STK33: variants seen among roughly 807,000 people sequenced by gnomAD.
The protein encoded by STK33 is serine/threonine-protein kinase 33.
STK33 carries 52 observed loss-of-function variants against 58.0 expected under a neutral mutation model. The ratio of observed to expected loss-of-function variants is 0.90; its 90% CI spans 0.72 to 1.13. STK33 has a LOEUF of 1.13. Ranked by LOEUF, STK33 falls within the 50% of genes most tolerant of loss-of-function variation. STK33 has a pLI of 0.00. For synonymous variants in STK33, 215 were observed against 200.1 expected, an observed-to-expected ratio of 1.07 and a Z score of -0.63; for missense variants, 630 against 604.2, an observed-to-expected ratio of 1.04 and a Z score of -0.45.
intron 15 of STK33, among the ~76,000 whole-genome samples, chr11:8,399,795 C>T (rs1342864365): frequency 7.2e-5 from 11 of 151,932 alleles, no homozygotes; most frequent in Non-Finnish European, 1.5e-4. Flanking sequence ...ATATCACCAC[C>T]GATCCCACAG....
chr11:8,453,960 C>T (rs561313684), intron 10 of STK33, among the ~76,000 whole-genome samples: 1 of 152,280 alleles, frequency 6.6e-6, no homozygotes, highest in Admixed American at 6.5e-5. Flanking sequence ...GCATCTATTC[C>T]TTCATTCATC....
At chr11:8,436,938 T>A (rs977405108) in intron 12 of STK33, among the ~76,000 whole-genome samples, 2 of 152,202 alleles carry the variant, frequency 1.3e-5, no homozygotes, top group African/African-American at 4.8e-5. Flanking sequence ...CATCAAGTTA[T>A]CCACCTGCCT....
intron 14 of STK33, among the ~76,000 whole-genome samples, chr11:8,429,968 T>C (rs11826000): frequency 0.015 from 2,224 of 152,232 alleles, 48 homozygotes; most frequent in African/African-American, 0.05. Context: ...TCACTATCTC[T>C]AGCCCACAGA....
At chr11:8,376,909 A>G in the STK33 span, among the ~76,000 whole-genome samples, 1 of 152,174 alleles carries the variant, frequency 6.6e-6, no homozygotes, top group Admixed American at 6.5e-5. Context: ...CATCCCTAGT[A>G]TAGTCTGAAA....
the STK33 span, among the ~76,000 whole-genome samples, chr11:8,355,596 G>A: frequency 6.6e-6 from 1 of 152,168 alleles, no homozygotes; most frequent in African/African-American, 2.4e-5. Flanking sequence ...CTCCAGGCCC[G>A]CCCTTCCAGG....
chr11:8,530,298 A>G (rs1954423182), intron 1 of STK33, among the ~76,000 whole-genome samples: 1 of 152,174 alleles, frequency 6.6e-6, no homozygotes, highest in Non-Finnish European at 1.5e-5. Flanking sequence ...CGGACAAAAG[A>G]GCATTTAAAT....
chr11:8,448,073 C>A (rs958578872), intron 11 of STK33, among the ~76,000 whole-genome samples: 1 of 152,102 alleles, frequency 6.6e-6, no homozygotes, highest in Non-Finnish European at 1.5e-5. Flanking sequence ...ATCCAACTTA[C>A]AAGGGATGTG....
intron 14 of STK33, among the ~76,000 whole-genome samples, chr11:8,425,867 C>T (rs761175219): frequency 1.3e-5 from 2 of 152,040 alleles, no homozygotes; most frequent in Non-Finnish European, 2.9e-5. Context: ...TTCTGTGTCC[C>T]GCGGCTCAAA....
the STK33 span, among the ~76,000 whole-genome samples, chr11:8,373,936 G>T: frequency 6.6e-6 from 1 of 152,190 alleles, no homozygotes; most frequent in Non-Finnish European, 1.5e-5. Context: ...GTGCCTTCCT[G>T]GGCACTTAGC....
chr11:8,425,639 T>C (rs1942626159), intron 14 of STK33, among the ~76,000 whole-genome samples: 1 of 152,228 alleles, frequency 6.6e-6, no homozygotes, highest in Admixed American at 6.5e-5. Flanking sequence ...AATATTTCCA[T>C]GTCTTTCTGC....
At chr11:8,583,617 C>T (rs1277497526) in intron 1 of STK33, among the ~76,000 whole-genome samples, 1 of 152,264 alleles carries the variant, frequency 6.6e-6, no homozygotes, top group East Asian at 1.9e-4. Flanking sequence ...TGCTAGTCCA[C>T]AGCCTAAATT....
the STK33 span, among the ~76,000 whole-genome samples, chr11:8,378,458 C>T: frequency 2.6e-5 from 4 of 152,196 alleles, no homozygotes; most frequent in African/African-American, 9.7e-5. Flanking sequence ...GCAGAGGTTG[C>T]AGTGAGTCAA....
intron 1 of STK33, among the ~76,000 whole-genome samples, chr11:8,513,578 T>A (rs989146689): frequency 2.0e-5 from 3 of 152,152 alleles, no homozygotes; most frequent in African/African-American, 7.2e-5. Context: ...CCCCTCACAA[T>A]CCTTGCAACT....
At position 8,488,386 on chromosome 11, in the gene STK33, T is replaced by C. The variant is rs1232674745; in HGVS notation, c.-465-7772A>G. Reference sequence around the variant, plus strand: ...GAATCTAGGAAGCTACACACACACATAGGGCTATATGCATGCACAGGAAAG... The same window carrying C: ...GAATCTAGGAAGCTACACACACACACAGGGCTATATGCATGCACAGGAAAG... On this transcript the variant is annotated intron_variant, in intron 1 of 15. Transcript: ENST00000687296. Among the ~76,000 whole-genome samples, 7 of 151,818 alleles carry C rather than the reference T, an allele frequency of 4.6e-5. No individual in the cohort carries two copies. The East Asian group carries it at 7.8e-4, about 17-fold the overall frequency.
At chr11:8,539,069 T>C (rs1955288614) in intron 1 of STK33, among the ~76,000 whole-genome samples, 1 of 152,070 alleles carries the variant, frequency 6.6e-6, no homozygotes. Flanking sequence ...ATATGTAACC[T>C]ATCCAAGAAG....
At chr11:8,444,956 A>G (rs1235514497) in intron 11 of STK33, among the ~76,000 whole-genome samples, 1 of 152,180 alleles carries the variant, frequency 6.6e-6, no homozygotes, top group Non-Finnish European at 1.5e-5. Flanking sequence ...TGGGGATAGC[A>G]CGAAATCTAT....
At chr11:8,550,684 C>T (rs1057127499) in intron 1 of STK33, among the ~76,000 whole-genome samples, 16 of 152,180 alleles carry the variant, frequency 1.1e-4, no homozygotes, top group African/African-American at 3.9e-4. Flanking sequence ...GGCATCTTTG[C>T]TCCAGTTCCC....
At chr11:8,481,138 A>G (rs893484069) in intron 1 of STK33, among the ~76,000 whole-genome samples, 1 of 152,148 alleles carries the variant, frequency 6.6e-6, no homozygotes, top group East Asian at 1.9e-4. Context: ...TTCATTCCAC[A>G]TGAGGAAAGG....
chr11:8,504,258 G>T (rs1397032379), intron 1 of STK33, among the ~76,000 whole-genome samples: 1 of 152,202 alleles, frequency 6.6e-6, no homozygotes, highest in African/African-American at 2.4e-5. Flanking sequence ...GACAGCTACT[G>T]CTGTTATGAA....
Sources: gnomAD v4.1 joint callset for allele counts (sites outside exome capture counted in the v4.1 genomes callset) on GRCh38, gnomAD v4.1.1 for gene constraint, MANE v1.5 for transcripts, NCBI Gene and HGNC (gene_info 2026-07-23, HGNC 2026-07-21) for gene names.